The following QRSL1 variants were observed in gnomAD, a reference collection of about 807,000 sequenced individuals.
QRSL1 encodes glutaminyl-tRNA amidotransferase subunit QRSL1.
Under a neutral mutation model 61.6 loss-of-function variants are expected in QRSL1, and 54 were observed. The observed-to-expected ratio is 0.88, with a 90% CI of 0.70 to 1.10. The LOEUF (loss-of-function observed/expected upper bound fraction) is 1.10. QRSL1 is among the 50% of genes least tolerant of loss of function. The pLI, the probability that QRSL1 is intolerant of heterozygous loss-of-function variation, is 0.00. For missense variants in QRSL1, 505 were observed against 622.6 expected, an observed-to-expected ratio of 0.81 and a Z score of 2.01; for synonymous variants, 228 against 225.7, an observed-to-expected ratio of 1.01 and a Z score of -0.09.
intron 10 of QRSL1, 140 bp downstream of exon 10, chr6:106,663,325 T>C: frequency 2.9e-6 from 2 of 696,100 alleles, no homozygotes; most frequent in Non-Finnish European, 4.9e-6. Context: ...AGTGTGTGTG[T>C]ACATGTATTA....
intron 4 of QRSL1, among the ~76,000 whole-genome samples, chr6:106,648,289 G>C (rs1052312896): frequency 2.0e-5 from 3 of 151,470 alleles, no homozygotes; most frequent in Admixed American, 1.3e-4. Context: ...AGCGAGACTC[G>C]TCTCAAAAAA....
At chr6:106,663,411 C>T (rs892644985) in intron 10 of QRSL1, among the ~76,000 whole-genome samples, 1 of 152,190 alleles carries the variant, frequency 6.6e-6, no homozygotes, top group African/African-American at 2.4e-5. Context: ...AATTGGCTCA[C>T]AGTTCTGCGG....
At chr6:106,634,608 A>T (rs1318026914) in intron 1 of QRSL1, among the ~76,000 whole-genome samples, 1 of 152,200 alleles carries the variant, frequency 6.6e-6, no homozygotes, top group Non-Finnish European at 1.5e-5. Flanking sequence ...TTTACAAAAA[A>T]TACAAAAATT....
intron 7 of QRSL1, among the ~76,000 whole-genome samples, chr6:106,654,074 G>A (rs1011879746): frequency 6.6e-6 from 1 of 152,116 alleles, no homozygotes; most frequent in Non-Finnish European, 1.5e-5. Context: ...CTAACAGGCT[G>A]GGCACGGTGG....
At chr6:106,636,609 G>A (rs1051573724) in intron 1 of QRSL1, among the ~76,000 whole-genome samples, 14 of 152,192 alleles carry the variant, frequency 9.2e-5, no homozygotes, top group South Asian at 2.1e-4. Flanking sequence ...ATGAGCCACC[G>A]CGCCCAGCCA....
Position 106,662,958 on chromosome 6 carries a change from A to G in QRSL1, c.1161-22A>G, listed in dbSNP as rs759003815. On this transcript the variant is annotated intron_variant, in intron 9 of 10. Coordinates refer to ENST00000369046, the MANE Select transcript of QRSL1 (RefSeq NM_018292.5). ...AAAAATACAAAAAATCCTTAAAAAC[A>G]TCACCTACTTTTTTCCCACAGAAAC... 1.8e-5 allele frequency: 28 copies of G among 1,548,206 alleles called. No homozygotes were observed. The South Asian group carries it at 3.1e-4, about 17-fold the overall frequency.
intron 1 of QRSL1, among the ~76,000 whole-genome samples, chr6:106,633,761 T>G (rs1243457270): frequency 6.6e-6 from 1 of 152,150 alleles, no homozygotes; most frequent in East Asian, 1.9e-4. Context: ...AGCTTCAACT[T>G]TAGAAAAACT....
At position 106,629,604 on chromosome 6, in the gene QRSL1, A is replaced by G. The variant is rs1776761482; in HGVS notation, c.-78A>G. ...GTGACAATTAAAGATGGCTGCGCCC[A>G]TGTAACATCACTAGCGACCGGTGAC... is the stretch of plus-strand genomic sequence containing the variant. On this transcript the variant is annotated 5_prime_UTR_variant, in exon 1 of 11. An upstream start codon of the reference 5' UTR is lost. Transcript: ENST00000369046. 2 of 1,531,022 alleles carry G rather than the reference A, an allele frequency of 1.3e-6. No homozygotes were observed. Among genetic ancestry groups the G allele is most frequent in the African/African-American group, 1.4e-5 (1 of 72,392 alleles). The allele number at this position is 1,531,022 out of a possible 1,614,324, so 94.8% of individuals were successfully genotyped here. A position where few individuals can be genotyped will look rare whatever the true frequency, so the allele number is the denominator to read the frequency against.
At chr6:106,650,169 C>G (rs1430104463) in intron 5 of QRSL1, among the ~76,000 whole-genome samples, 1 of 152,006 alleles carries the variant, frequency 6.6e-6, no homozygotes, top group Non-Finnish European at 1.5e-5. Context: ...TTTTTTCTGT[C>G]CTCATCATCC....
At chr6:106,660,933 T>G (rs2114717643) in intron 9 of QRSL1, among the ~76,000 whole-genome samples, 1 of 152,272 alleles carries the variant, frequency 6.6e-6, no homozygotes, top group Non-Finnish European at 1.5e-5. Context: ...AGGCCCCATC[T>G]CTTAATACTG....
intron 3 of QRSL1, chr6:106,642,664 G>C (rs1440660172): frequency 2.6e-6 from 2 of 770,944 alleles, no homozygotes; most frequent in Non-Finnish European, 4.7e-6. Flanking sequence ...CCAGCATGCT[G>C]TTGGCATTGT....
chr6:106,649,129 A>T lies in QRSL1; in HGVS notation c.485A>T (p.Asp162Val). ...CAGAATCCCCACAGCGAGAATGAAG[A>T]TTCAGACTGGCTGATAACTGGAGGA... ...RKQNPHSENE[D>V]SDWLITGGSS... is the part of the protein sequence containing the mutation. Residue 162 changes from aspartate to valine, a missense_variant, in exon 5 of 11, where the codon GAT (aspartate) becomes GTT (valine). Coordinates refer to ENST00000369046, the MANE Select transcript of QRSL1 (RefSeq NM_018292.5). The T allele has an allele frequency of 6.2e-7, 1 of 1,614,230 alleles. No individual in the cohort carries two copies. The highest frequency in any genetic ancestry group is 8.5e-7 in the Non-Finnish European group (1 of 1,180,026).
Position 106,642,998 on chromosome 6 carries a change from T to C in QRSL1, c.288T>C (p.Tyr96=). Residue 96 remains tyrosine (Y), a synonymous_variant, in exon 4 of 11, where the codon TAT becomes TAC. Transcript: ENST00000369046. ...TTCASNMLKG[Y]IPPYNATVVQ... ...TAGTAACTAAATTTTTTTCAGGTTATATACCACCTTATAATGCTACAGTAG... is the reference window on the plus strand; with the variant it reads ...TAGTAACTAAATTTTTTTCAGGTTACATACCACCTTATAATGCTACAGTAG... The C allele has an allele frequency of 6.2e-7, 1 of 1,602,548 alleles. No homozygotes were observed. The highest frequency in any genetic ancestry group is 8.5e-7 in the Non-Finnish European group (1 of 1,175,312).
At chr6:106,635,223 G>A (rs1269964697) in intron 1 of QRSL1, among the ~76,000 whole-genome samples, 2 of 152,124 alleles carry the variant, frequency 1.3e-5, no homozygotes, top group South Asian at 2.1e-4. Context: ...CCAACATTTT[G>A]GAGGTCAACA....
rs765685596 is a variant in QRSL1, at chr6:106,640,390, G to C, written c.66G>C (p.Glu22Asp). 6.2e-7 allele frequency: 1 copy of C among 1,612,856 alleles called. No individual in the cohort carries two copies. The highest frequency in any genetic ancestry group is 2.2e-5 in the East Asian group (1 of 44,818). Residue 22 changes from glutamate to aspartate, a missense_variant, in exon 2 of 11, where the codon GAG becomes GAC. Coordinates refer to ENST00000369046, the MANE Select transcript of QRSL1 (RefSeq NM_018292.5). ...ALKQGQITPT[E>D]LCQKCLSLIK... ...AACAAGGCCAAATTACACCAACAGAGCTCTGTCAAAAATGTCTCTCTCTTA... is the reference window on the plus strand; with the variant it reads ...AACAAGGCCAAATTACACCAACAGACCTCTGTCAAAAATGTCTCTCTCTTA...
rs189221387 is a variant in QRSL1 at position 106,629,770 on chromosome 6, A to G, written c.24+65A>G. 84 of 1,561,048 alleles carry G rather than the reference A, an allele frequency of 5.4e-5. 1 individual carries two copies. In the East Asian group the frequency reaches 8.6e-4, roughly 16 times the overall value. On this transcript the variant is annotated intron_variant, in intron 1 of 10. Transcript: ENST00000369046. ...AAAGTTTAACGGACTTCGTTGACAAAGAGTCCCTGGGCCTTACCACGCATC... is the reference window on the plus strand; with the variant it reads ...AAAGTTTAACGGACTTCGTTGACAAGGAGTCCCTGGGCCTTACCACGCATC...
At chr6:106,646,329 T>A (rs1311150451) in intron 4 of QRSL1, among the ~76,000 whole-genome samples, 1 of 152,190 alleles carries the variant, frequency 6.6e-6, no homozygotes, top group African/African-American at 2.4e-5. Flanking sequence ...CAATATCACC[T>A]ATGTAATATT....
At chr6:106,632,012 G>A (rs1776843347) in intron 1 of QRSL1, among the ~76,000 whole-genome samples, 1 of 152,080 alleles carries the variant, frequency 6.6e-6, no homozygotes, top group Non-Finnish European at 1.5e-5. Context: ...ACCTCCACGA[G>A]GTCAATTGTT....
intron 9 of QRSL1, among the ~76,000 whole-genome samples, chr6:106,657,194 G>A (rs530425764): frequency 8.9e-4 from 136 of 152,156 alleles, no homozygotes; most frequent in African/African-American, 3.1e-3. Flanking sequence ...ACTTGAACCC[G>A]GGAGGCAGAG....
Sources: gnomAD v4.1 joint callset for allele counts (sites outside exome capture counted in the v4.1 genomes callset) on GRCh38, gnomAD v4.1.1 for gene constraint, MANE v1.5 for transcripts, NCBI Gene and HGNC (gene_info 2026-07-23, HGNC 2026-07-21) for gene names.